The following ATOSA variants were observed in gnomAD, a reference collection of about 807,000 sequenced individuals.
ATOSA encodes atos homolog A, also known as atos homolog protein A.
chr15:52,608,330 A>AC, the ATOSA span, among the ~76,000 whole-genome samples: 1 of 151,998 alleles, frequency 6.6e-6, no homozygotes, highest in East Asian at 1.9e-4. Flanking sequence ...AAAAGGTACC[A>AC]CTTCCTATTT....
At chr15:52,644,178 C>G in the ATOSA span, among the ~76,000 whole-genome samples, 3,852 of 152,050 alleles carry the variant, frequency 0.025, 72 homozygotes, top group Non-Finnish European at 0.038. Flanking sequence ...CAACCTCGGC[C>G]TCCCAAAGTG....
the ATOSA span, among the ~76,000 whole-genome samples, chr15:52,617,378 T>G: frequency 1.3e-5 from 2 of 152,190 alleles, no homozygotes; most frequent in Non-Finnish European, 2.9e-5. Context: ...TGCTGGCCCC[T>G]TGATCTTGGA....
the ATOSA span, among the ~76,000 whole-genome samples, chr15:52,680,421 G>A: frequency 6.6e-6 from 1 of 152,060 alleles, no homozygotes; most frequent in Non-Finnish European, 1.5e-5. Flanking sequence ...AAAGTATTAG[G>A]ACAAGTCTAA....
the ATOSA span, chr15:52,593,837 G>T: frequency 8.7e-7 from 1 of 1,150,634 alleles, no homozygotes; most frequent in Non-Finnish European, 1.2e-6. Flanking sequence ...GCAGAGAAGT[G>T]ATTAAAAGAA....
At chr15:52,587,287 T>A in the ATOSA span, 2 of 1,270,034 alleles carry the variant, frequency 1.6e-6, no homozygotes, top group Non-Finnish European at 2.2e-6. Flanking sequence ...AAAATAAGAA[T>A]AACTCATGTA....
At chr15:52,681,359 T>A in the ATOSA span, among the ~76,000 whole-genome samples, 101 of 152,308 alleles carry the variant, frequency 6.6e-4, no homozygotes, top group African/African-American at 2.3e-3. Context: ...CAAAACCAGA[T>A]AGGGTCACTA....
the ATOSA span, among the ~76,000 whole-genome samples, chr15:52,689,201 A>G: frequency 6.6e-6 from 1 of 152,186 alleles, no homozygotes; most frequent in Non-Finnish European, 1.5e-5. Context: ...AGAGTAATAT[A>G]CTTCAGAAAT....
the ATOSA span, among the ~76,000 whole-genome samples, chr15:52,622,639 T>G: frequency 1.3e-5 from 2 of 152,024 alleles, no homozygotes; most frequent in Admixed American, 1.3e-4. Context: ...TTATATCAGG[T>G]GGTTAAGGAG....
the ATOSA span, among the ~76,000 whole-genome samples, chr15:52,670,486 T>A: frequency 6.6e-6 from 1 of 152,240 alleles, no homozygotes; most frequent in African/African-American, 2.4e-5. Flanking sequence ...AATTTGATCC[T>A]AAAAGCTTAG....
At chr15:52,658,640 A>T in the ATOSA span, 1 of 397,164 alleles carries the variant, frequency 2.5e-6, no homozygotes, top group Non-Finnish European at 4.4e-6. Context: ...TCCCATTCAA[A>T]CTCAAAATAT....
the ATOSA span, chr15:52,611,672 C>T: frequency 6.8e-6 from 11 of 1,613,900 alleles, no homozygotes; most frequent in Non-Finnish European, 9.3e-6. Context: ...GTGGGCCCAT[C>T]ATCGCTGTAG....
At chr15:52,590,871 T>C in the ATOSA span, 1 of 152,226 alleles carries the variant, frequency 6.6e-6, no homozygotes, top group African/African-American at 2.4e-5. Context: ...GACTCAAGAA[T>C]GTTATCAGAG....
the ATOSA span, chr15:52,608,784 C>T: frequency 6.2e-7 from 1 of 1,604,622 alleles, no homozygotes; most frequent in Admixed American, 1.7e-5. Context: ...ATGTCTTAGG[C>T]CTTTTTGAGT....
chr15:52,587,105 T>A, the ATOSA span: 1 of 1,611,942 alleles, frequency 6.2e-7, no homozygotes, highest in Non-Finnish European at 8.5e-7. Context: ...GTTCTATATG[T>A]ATGTGAGAGA....
the ATOSA span, among the ~76,000 whole-genome samples, chr15:52,675,956 A>G: frequency 4.5e-4 from 68 of 152,258 alleles, no homozygotes; most frequent in African/African-American, 1.6e-3. Flanking sequence ...AGTGTTAAGT[A>G]CGGTTATCTA....
chr15:52,664,592 C>T, the ATOSA span, among the ~76,000 whole-genome samples: 1 of 152,174 alleles, frequency 6.6e-6, no homozygotes, highest in Admixed American at 6.5e-5. Context: ...GCTCCAAACC[C>T]ATGTTCTTTC....
At chr15:52,615,441 T>A in the ATOSA span, among the ~76,000 whole-genome samples, 2 of 152,244 alleles carry the variant, frequency 1.3e-5, no homozygotes, top group African/African-American at 4.8e-5. Context: ...GTGCCTATTA[T>A]ACCTCAGGTA....
the ATOSA span, among the ~76,000 whole-genome samples, chr15:52,604,618 A>G: frequency 2.0e-4 from 30 of 152,300 alleles, no homozygotes; most frequent in African/African-American, 7.0e-4. Context: ...CCTGATTTAC[A>G]TATGAGGAAA....
chr15:52,616,553 G>A, the ATOSA span, among the ~76,000 whole-genome samples: 6 of 152,220 alleles, frequency 3.9e-5, no homozygotes, highest in Admixed American at 1.3e-4. Flanking sequence ...GGGCAATATA[G>A]GGAGACCCTG....
Sources: allele counts gnomAD v4.1 joint callset (sites outside exome capture counted in the v4.1 genomes callset), GRCh38; gene constraint gnomAD v4.1.1; transcripts MANE v1.5; gene names NCBI Gene and HGNC (gene_info 2026-07-23, HGNC 2026-07-21).